Variants in TMEM143 observed in about 807,000 individuals in gnomAD.
The protein encoded by TMEM143 is transmembrane protein 143.
A neutral mutation model predicts 40.3 loss-of-function variants in TMEM143; 45 were observed. The observed-to-expected ratio is 1.12, with a 90% CI of 0.88 to 1.43. The LOEUF is 1.43. Ranked by LOEUF, TMEM143 falls within the 40% of genes most tolerant of loss-of-function variation. The pLI is 0.00. For synonymous variants in TMEM143, 299 were observed against 282.7 expected (o/e 1.06, Z -0.58); for missense variants, 620 against 613.4 (o/e 1.01, Z -0.11).
chr19:48,363,788 G>A, intron 1 of TMEM143, 110 bp downstream of exon 1: 1 of 1,562,726 alleles, frequency 6.4e-7, no homozygotes, highest in African/African-American at 1.4e-5. Context: ...GTTTCTTTGG[G>A]GTCTAGACAG....
chr19:48,348,889 A>C lies in TMEM143; in HGVS notation c.370-3535T>G, dbSNP rs1009450177. ...ACTCCATACCATCCAGACTGTCTTT[A>C]GGTTGGCTGGGCGCGATTGCTCATG... On this transcript the variant is annotated intron_variant, in intron 3 of 7. Coordinates refer to ENST00000293261, the MANE Select transcript of TMEM143 (RefSeq NM_018273.4). Among the ~76,000 whole-genome samples the C allele has an allele frequency of 1.1e-4, 17 of 152,112 alleles. 1 individual carries two copies. The highest frequency in any genetic ancestry group is 1.0e-3 in the Admixed American group (16 of 15,250).
At chr19:48,337,710 C>T (rs1480597649) in intron 6 of TMEM143, among the ~76,000 whole-genome samples, 3 of 152,170 alleles carry the variant, frequency 2.0e-5, no homozygotes, top group East Asian at 1.9e-4. Flanking sequence ...CTCAAGTCAG[C>T]GCACCCCAGA....
At position 48,333,537 on chromosome 19, in the gene TMEM143, T is replaced by A; in HGVS notation, c.1166-104A>T. ...GGCAAAGAACAGGAAGGGCCTGGGT[T>A]TGGGAGAAGCCTAGGAGTGATCTTG... On this transcript the variant is annotated intron_variant, in intron 7 of 7. Transcript: ENST00000293261. This position sits in a 1 kb window ranked among gnomAD's most constrained non-coding sequence, Gnocchi z 4.1. The A allele has an allele frequency of 1.3e-6, 1 of 759,866 alleles. No individual in the cohort carries two copies. Among genetic ancestry groups the A allele is most frequent in the Non-Finnish European group, 2.1e-6 (1 of 470,670 alleles). The allele number at this position is 759,866 out of a possible 1,614,324, so 47.1% of individuals were successfully genotyped here. A position where few individuals can be genotyped will look rare whatever the true frequency, so the allele number is the denominator to read the frequency against.
intron 2 of TMEM143, among the ~76,000 whole-genome samples, chr19:48,362,016 T>C (rs1325958047): frequency 2.0e-5 from 3 of 151,996 alleles, no homozygotes; most frequent in African/African-American, 7.3e-5. Context: ...ATTTGTATAT[T>C]TATGTGTGTA....
chr19:48,348,434 C>T (rs1969694641), intron 3 of TMEM143, among the ~76,000 whole-genome samples: 1 of 152,200 alleles, frequency 6.6e-6, no homozygotes, highest in African/African-American at 2.4e-5. Flanking sequence ...TTTCATCCTG[C>T]CTGGGTGAGC....
At chr19:48,354,181 A>C (rs1969834090) in intron 3 of TMEM143, among the ~76,000 whole-genome samples, 1 of 150,828 alleles carries the variant, frequency 6.6e-6, no homozygotes, top group East Asian at 1.9e-4. Flanking sequence ...TTGGTCTCGA[A>C]ATCCTGACCT....
intron 3 of TMEM143, among the ~76,000 whole-genome samples, chr19:48,346,704 A>C (rs1392807983): frequency 6.6e-6 from 1 of 151,850 alleles, no homozygotes; most frequent in East Asian, 1.9e-4. Flanking sequence ...CAGCCTCCCG[A>C]GTAGCTGGGA....
Position 48,333,570 on chromosome 19 carries a change from G to C in TMEM143, c.1166-137C>G. 1.7e-6 allele frequency: 1 copy of C among 585,042 alleles called. No individual in the cohort carries two copies. The highest frequency in any genetic ancestry group is 2.5e-5 in the South Asian group (1 of 39,448). The allele number at this position is 585,042 out of a possible 1,614,324, so 36.2% of individuals were successfully genotyped here. A position where few individuals can be genotyped will look rare whatever the true frequency, so the allele number is the denominator to read the frequency against. On this transcript the variant is annotated intron_variant, in intron 7 of 7. Transcript: ENST00000293261. The surrounding 1 kb of genome is among the most constrained non-coding windows in gnomAD (Gnocchi z 4.1). ...AGCCTAGGAGTGATCTTGAGGCTTG[G>C]AGGGGAGCGGAACAAGGCCCAGGAG...
intron 2 of TMEM143, among the ~76,000 whole-genome samples, chr19:48,362,420 G>T (rs370831466): frequency 6.6e-6 from 1 of 152,028 alleles, no homozygotes; most frequent in African/African-American, 2.4e-5. Flanking sequence ...AGCCTCTCGG[G>T]GGCTGAGGAA....
At chr19:48,347,012 T>C (rs1045190734) in intron 3 of TMEM143, among the ~76,000 whole-genome samples, 2 of 152,176 alleles carry the variant, frequency 1.3e-5, no homozygotes, top group Non-Finnish European at 2.9e-5. Context: ...CTTTCCGTGA[T>C]GTTCAAGTTC....
At chr19:48,363,232 G>A in intron 2 of TMEM143, 59 bp downstream of exon 2, 1 of 1,547,934 alleles carries the variant, frequency 6.5e-7, no homozygotes, top group Non-Finnish European at 8.7e-7. Flanking sequence ...GGGCCCTGCC[G>A]CCGCGAAGCC....
chr19:48,352,262 A>AAAAAAAAAAACAAAAAAAAAAAAAAC (rs74518287), intron 3 of TMEM143, among the ~76,000 whole-genome samples: 4 of 145,062 alleles, frequency 2.8e-5, no homozygotes, highest in African/African-American at 1.0e-4. Context: ...AAAAAAAAAA[A>AAAAAAAAAAACAAAAAAAAAAAAAAC]CACCATATCT....
chr19:48,334,436 TTCTTTC>T (rs1169765497), intron 6 of TMEM143, among the ~76,000 whole-genome samples: 9 of 48,200 alleles, frequency 1.9e-4, no homozygotes, highest in Non-Finnish European at 4.1e-4. Flanking sequence ...CTTTCTTTCT[TTCTTTC>T]TTTCTTTCTT....
chr19:48,356,434 T>TG (rs1464062599), intron 3 of TMEM143, among the ~76,000 whole-genome samples: 1 of 146,106 alleles, frequency 6.8e-6, no homozygotes, highest in African/African-American at 2.5e-5. Context: ...CCCTCCTTTT[T>TG]TTTTTTTTTT....
chr19:48,342,425 G>A (rs1159351016), intron 6 of TMEM143, 105 bp downstream of exon 6: 2 of 1,371,186 alleles, frequency 1.5e-6, no homozygotes, highest in Non-Finnish European at 1.9e-6. Flanking sequence ...AGGGAGGGAG[G>A]AGAGCATGAC....
At chr19:48,349,855 T>A (rs913254428) in intron 3 of TMEM143, among the ~76,000 whole-genome samples, 2 of 152,036 alleles carry the variant, frequency 1.3e-5, no homozygotes, top group Non-Finnish European at 2.9e-5. Flanking sequence ...GAGGGAAATA[T>A]TCTAGATCTG....
At chr19:48,357,349 CTTTTTT>C (rs1195099137) in intron 3 of TMEM143, among the ~76,000 whole-genome samples, 2 of 74,836 alleles carry the variant, frequency 2.7e-5, no homozygotes, top group African/African-American at 1.0e-4. Context: ...GTCTATCTTT[CTTTTTT>C]TTTTTTTTTT....
At chr19:48,342,936 T>C in intron 5 of TMEM143, 127 bp from the exon 6 acceptor site, 1 of 1,192,276 alleles carries the variant, frequency 8.4e-7, no homozygotes, top group Non-Finnish European at 1.1e-6. Flanking sequence ...TCAGTAATCA[T>C]GGGGAAGAAA....
rs1415499787 is a variant in TMEM143 at position 48,334,108 on chromosome 19, G to A, written c.1065C>T (p.Ser355=). ...RSTSNNSELL[S]ALALRAQDEH... ...CGTCCTGCGCGCGCAGGGCCAGGGCGCTGAGCAGCTCCGAGTTGTTGGACG... is the reference window on the plus strand; with the variant it reads ...CGTCCTGCGCGCGCAGGGCCAGGGCACTGAGCAGCTCCGAGTTGTTGGACG... Residue 355 remains serine (S), a synonymous_variant, in exon 7 of 8, where the codon AGC becomes AGT. Transcript: ENST00000293261. 6.2e-7 allele frequency: 1 copy of A among 1,600,602 alleles called. No individual in the cohort carries two copies. Among genetic ancestry groups the A allele is most frequent in the Non-Finnish European group, 8.5e-7 (1 of 1,174,584 alleles).
Sources: allele counts gnomAD v4.1 joint callset (sites outside exome capture counted in the v4.1 genomes callset), GRCh38; gene constraint gnomAD v4.1.1; non-coding constraint Gnocchi (gnomAD v3.1); transcripts MANE v1.5; gene names NCBI Gene and HGNC (gene_info 2026-07-23, HGNC 2026-07-21).